The following TTLL2 variants were observed in gnomAD, a reference collection of about 807,000 sequenced individuals.
The protein encoded by TTLL2 is tubulin tyrosine ligase like 2, also known as probable tubulin polyglutamylase TTLL2.
In TTLL2, 10 loss-of-function variants were observed where a neutral mutation model predicts 7.5. The ratio of observed to expected loss-of-function variants is 1.33; its 90% CI spans 0.82 to 2.25. TTLL2 has a LOEUF of 2.25. Ranked by LOEUF, TTLL2 falls within the 30% of genes most tolerant of loss-of-function variation. TTLL2 has a pLI of 0.00. For synonymous variants in TTLL2, 284 were observed against 280.3 expected (o/e 1.01, Z -0.13); for missense variants, 733 against 735.7 (o/e 1.00, Z 0.04).
intron 1 of TTLL2, among the ~76,000 whole-genome samples, chr6:167,336,546 T>G (rs1356729460): frequency 1.3e-5 from 2 of 152,108 alleles, no homozygotes; most frequent in Non-Finnish European, 2.9e-5. Flanking sequence ...ATCCTCCTTC[T>G]CAGCGATGGG....
intron 1 of TTLL2, among the ~76,000 whole-genome samples, chr6:167,326,300 T>C (rs1323983712): frequency 6.6e-6 from 1 of 152,190 alleles, no homozygotes; most frequent in East Asian, 1.9e-4. Flanking sequence ...ATAATTATTC[T>C]GTGTTTCAAG....
At chr6:167,338,574 G>C in intron 1 of TTLL2, 73 bp from the exon 2 acceptor site, 2 of 1,526,792 alleles carry the variant, frequency 1.3e-6, no homozygotes, top group Non-Finnish European at 1.8e-6. Context: ...GATCAATTCT[G>C]TATGTTCCTT....
At chr6:167,326,949 C>T (rs1296587864) in intron 1 of TTLL2, among the ~76,000 whole-genome samples, 5 of 152,004 alleles carry the variant, frequency 3.3e-5, no homozygotes, top group Admixed American at 2.6e-4. Context: ...CACAGAACCA[C>T]AGGAAAAGGC....
chr6:167,329,713 T>A (rs1470389764), intron 1 of TTLL2, among the ~76,000 whole-genome samples: 2 of 152,208 alleles, frequency 1.3e-5, no homozygotes, highest in African/African-American at 2.4e-5. Context: ...TATAAATGGA[T>A]GCCTTCAGGG....
intron 1 of TTLL2, among the ~76,000 whole-genome samples, chr6:167,326,419 A>G (rs777894438): frequency 5.4e-4 from 82 of 152,222 alleles, no homozygotes; most frequent in Middle Eastern, 3.4e-3. Flanking sequence ...AGCATTCTAC[A>G]TTCCATATAA....
In TTLL2 at chr6:167,340,134, A is replaced by G. The variant is rs1583113326; in HGVS notation, c.234A>G (p.Glu78=). The change falls in exon 3 of 3, where the codon GAA becomes GAG. Residue 78 remains glutamate, a synonymous_variant. Transcript: ENST00000239587. The stretch of plus-strand genomic sequence containing the variant: ...AACCTCATTTGATGGCGGAAGATGA[A>G]CCTTCAGGGGCCCTCTTGAAGCCGC... ...KKKPHLMAED[E]PSGALLKPLV... is the part of the protein sequence containing the mutation. 6.3e-7 allele frequency: 1 copy of G among 1,590,106 alleles called. No homozygotes were observed. Among genetic ancestry groups the G allele is most frequent in the Non-Finnish European group, 8.5e-7 (1 of 1,169,880 alleles).
intron 1 of TTLL2, chr6:167,328,312 G>T (rs892346513): frequency 1.8e-5 from 6 of 328,542 alleles, no homozygotes; most frequent in South Asian, 1.0e-4. Context: ...CGGGATTCCC[G>T]CAGTGATGGA....
intron 1 of TTLL2, among the ~76,000 whole-genome samples, chr6:167,330,045 C>G (rs1277803557): frequency 1.3e-5 from 2 of 152,094 alleles, no homozygotes; most frequent in Non-Finnish European, 2.9e-5. Context: ...GGTAAAATGT[C>G]AGGTTTTGTG....
chr6:167,341,319 G>A lies in TTLL2; in HGVS notation c.1419G>A (p.Glu473=). The change falls in exon 3 of 3, where the codon GAG becomes GAA. Residue 473 remains glutamate, a synonymous_variant. Coordinates refer to ENST00000239587, the MANE Select transcript of TTLL2 (RefSeq NM_031949.5). ...RMYNEDDSVV[E]KAVSVRPEAA... Reference sequence around the variant, plus strand: ...ACAACGAGGATGACTCTGTGGTGGAGAAAGCTGTGAGTGTGCGTCCTGAAG... The same window carrying A: ...ACAACGAGGATGACTCTGTGGTGGAAAAAGCTGTGAGTGTGCGTCCTGAAG... 6.2e-7 allele frequency: 1 copy of A among 1,613,796 alleles called. No individual in the cohort carries two copies. Among genetic ancestry groups the A allele is most frequent in the Non-Finnish European group, 8.5e-7 (1 of 1,179,982 alleles).
chr6:167,340,845 G>T lies in TTLL2; in HGVS notation c.945G>T (p.Val315=). 2.5e-6 allele frequency: 4 copies of T among 1,614,172 alleles called. No individual in the cohort carries two copies. The highest frequency in any genetic ancestry group is 3.4e-6 in the Non-Finnish European group (4 of 1,180,026). Residue 315 remains valine (V), a synonymous_variant, in exon 3 of 3, where the codon GTG becomes GTT. Coordinates refer to ENST00000239587, the MANE Select transcript of TTLL2 (RefSeq NM_031949.5). ...SGASYEKIKE[V]IGHGCKWTLS... The stretch of plus-strand genomic sequence containing the variant: ...CCTCTTATGAGAAGATCAAAGAAGT[G>T]ATTGGTCATGGTTGTAAATGGACGC...
chr6:167,338,864 C>T (rs1258312605), intron 2 of TTLL2, 61 bp downstream of exon 2: 2 of 1,446,008 alleles, frequency 1.4e-6, no homozygotes, highest in Admixed American at 2.3e-5. Flanking sequence ...TCCTTCCTTC[C>T]TTCTTTCCTC....
At chr6:167,327,529 T>A (rs1778861630) in intron 1 of TTLL2, among the ~76,000 whole-genome samples, 1 of 152,192 alleles carries the variant, frequency 6.6e-6, no homozygotes, top group African/African-American at 2.4e-5. Flanking sequence ...ATTTTCCTTT[T>A]ACAACAACTC....
chr6:167,341,569 G>A lies in TTLL2; in HGVS notation c.1669G>A (p.Val557Ile). ...TCCAGATCCCCAAGCAGGCAACTTT[G>A]TTCTTGTTTTTCCTTTCAATGAAGC... is the stretch of plus-strand genomic sequence containing the variant. Reference protein sequence around the residue: ...KAPDPQAGNFVLVFPFNEATL... With the variant: ...KAPDPQAGNFILVFPFNEATL... Residue 557 changes from valine to isoleucine, a missense_variant, in exon 3 of 3, where the codon GTT (valine) becomes ATT (isoleucine). Coordinates refer to ENST00000239587, the MANE Select transcript of TTLL2 (RefSeq NM_031949.5). 6.2e-7 allele frequency: 1 copy of A among 1,614,182 alleles called. No individual in the cohort carries two copies. Among genetic ancestry groups the A allele is most frequent in the Non-Finnish European group, 8.5e-7 (1 of 1,180,042 alleles).
chr6:167,336,564 TC>T (rs1193885933), intron 1 of TTLL2, among the ~76,000 whole-genome samples: 1 of 152,050 alleles, frequency 6.6e-6, no homozygotes. Context: ...GGGGACTTTG[TC>T]CCCCTCAGCA....
chr6:167,331,130 T>A (rs1375458709), intron 1 of TTLL2, among the ~76,000 whole-genome samples: 3 of 152,218 alleles, frequency 2.0e-5, no homozygotes, highest in Non-Finnish European at 4.4e-5. Context: ...TTTTATTAAC[T>A]GAAAAATATT....
rs1261849765 is a variant in TTLL2, at chr6:167,340,836, C to T, written c.936C>T (p.Ile312=). 2.5e-6 allele frequency: 4 copies of T among 1,614,042 alleles called. No homozygotes were observed. The African/African-American group carries it at 5.3e-5, about 22-fold the overall frequency. Residue 312 remains isoleucine, a synonymous_variant, in exon 3 of 3, where the codon ATC becomes ATT. Transcript: ENST00000239587. ...AATCCGGGGCCTCTTATGAGAAGAT[C>T]AAAGAAGTGATTGGTCATGGTTGTA... The part of the protein sequence containing the change: ...INKSGASYEK[I]KEVIGHGCKW...
At position 167,340,142 on chromosome 6, in the gene TTLL2, G is replaced by A; in HGVS notation, c.242G>A (p.Gly81Glu). The change falls in exon 3 of 3, where the codon GGG (glycine) becomes GAG (glutamate). Residue 81 changes from glycine (G) to glutamate (E), a missense_variant. Coordinates refer to ENST00000239587, the MANE Select transcript of TTLL2 (RefSeq NM_031949.5). ...PHLMAEDEPS[G>E]ALLKPLVFRV... is the part of the protein sequence containing the mutation. Reference sequence around the variant, plus strand: ...TTGATGGCGGAAGATGAACCTTCAGGGGCCCTCTTGAAGCCGCTGGTTTTT... The same window carrying A: ...TTGATGGCGGAAGATGAACCTTCAGAGGCCCTCTTGAAGCCGCTGGTTTTT... 6.3e-7 allele frequency: 1 copy of A among 1,599,708 alleles called. No individual in the cohort carries two copies. Among genetic ancestry groups the A allele is most frequent in the African/African-American group, 1.3e-5 (1 of 74,530 alleles).
rs748338835 is a variant in TTLL2 at position 167,325,123 on chromosome 6, T to C, written c.-51T>C. The C allele has an allele frequency of 7.9e-5, 123 of 1,549,902 alleles. 1 individual carries two copies. In the East Asian group the frequency reaches 2.8e-3, roughly 36 times the overall value. ...AGCCTCCGCGCATTTCAGCTGGCGC[T>C]GCAGCTGCTGCACAGAGACCCACAG... On this transcript the variant is annotated 5_prime_UTR_variant, in exon 1 of 3. Coordinates refer to ENST00000239587, the MANE Select transcript of TTLL2 (RefSeq NM_031949.5).
intron 1 of TTLL2, among the ~76,000 whole-genome samples, chr6:167,332,242 GT>G (rs1778928365): frequency 6.6e-6 from 1 of 152,132 alleles, no homozygotes; most frequent in Non-Finnish European, 1.5e-5. Flanking sequence ...ACAGCACGGG[GT>G]TTGCCTTTTT....
Sources: gnomAD v4.1 joint callset for allele counts (sites outside exome capture counted in the v4.1 genomes callset) on GRCh38, gnomAD v4.1.1 for gene constraint, MANE v1.5 for transcripts, NCBI Gene and HGNC (gene_info 2026-07-23, HGNC 2026-07-21) for gene names.